HMCN1: variants seen among roughly 807,000 people sequenced by gnomAD.
HMCN1 encodes hemicentin 1, also known as hemicentin-1.
Under a neutral mutation model 625.9 loss-of-function variants are expected in HMCN1, and 321 were observed. The ratio of observed to expected loss-of-function variants is 0.51; its 90% confidence interval spans 0.47 to 0.56. The LOEUF (loss-of-function observed/expected upper bound fraction) is 0.56. Among genes scored for constraint, HMCN1 ranks in the 20% least tolerant of loss-of-function variants. The pLI is 0.00. For synonymous variants in HMCN1, 2,425 were observed against 2,417.6 expected (o/e 1.00, Z -0.09); for missense variants, 6,588 against 6,887.3 (o/e 0.96, Z 1.54).
At chr1:186,132,503 T>TAGTGGTTAGCAAGTTCATA in intron 86 of HMCN1, 94 bp downstream of exon 86, 1 of 973,570 alleles carries the variant, frequency 1.0e-6, no homozygotes, top group Non-Finnish European at 1.6e-6. Context: ...GCAAGTTCAT[T>TAGTGGTTAGCAAGTTCATA]AGTGGTAGCT....
At chr1:185,862,154 C>A (rs1662912318) in intron 2 of HMCN1, among the ~76,000 whole-genome samples, 1 of 151,856 alleles carries the variant, frequency 6.6e-6, no homozygotes, top group African/African-American at 2.4e-5. Context: ...TTAAAGGGAG[C>A]AATTTGTGGA....
chr1:185,896,309 C>G (rs1204222056), intron 4 of HMCN1, among the ~76,000 whole-genome samples: 1 of 151,834 alleles, frequency 6.6e-6, no homozygotes, highest in East Asian at 1.9e-4. Context: ...TCCCAAATGT[C>G]TACTAGATGG....
intron 52 of HMCN1, among the ~76,000 whole-genome samples, chr1:186,072,684 A>G (rs1658547591): frequency 6.6e-6 from 1 of 152,222 alleles, no homozygotes; most frequent in Non-Finnish European, 1.5e-5. Context: ...AAGGAAGCAG[A>G]CATAAAATAA....
intron 1 of HMCN1, among the ~76,000 whole-genome samples, chr1:185,792,929 T>G (rs184023049): frequency 6.6e-6 from 1 of 152,370 alleles, no homozygotes; most frequent in African/African-American, 2.4e-5. Flanking sequence ...TGATTAATAA[T>G]GCAGTTTTAT....
intron 55 of HMCN1, among the ~76,000 whole-genome samples, chr1:186,080,768 C>T (rs765712657): frequency 1.8e-4 from 28 of 152,130 alleles, no homozygotes; most frequent in Admixed American, 1.4e-3. Context: ...CCAAATAAGG[C>T]CAAATCTGAA....
At chr1:186,130,185 A>G in intron 84 of HMCN1, 85 bp downstream of exon 84, 13 of 1,563,348 alleles carry the variant, frequency 8.3e-6, no homozygotes, top group Non-Finnish European at 1.1e-5. Context: ...TGGTAATAAA[A>G]TATAACTTCA....
intron 1 of HMCN1, among the ~76,000 whole-genome samples, chr1:185,774,316 C>T (rs1656452950): frequency 6.6e-6 from 1 of 151,982 alleles, no homozygotes; most frequent in Non-Finnish European, 1.5e-5. Flanking sequence ...TTTAAATTTA[C>T]TTAAGAAGGG....
At chr1:186,021,819 A>G (rs1350680154) in intron 35 of HMCN1, among the ~76,000 whole-genome samples, 1 of 152,082 alleles carries the variant, frequency 6.6e-6, no homozygotes, top group Non-Finnish European at 1.5e-5. Context: ...ATTTTAAACA[A>G]ATTATTCTGG....
intron 1 of HMCN1, among the ~76,000 whole-genome samples, chr1:185,786,887 G>A (rs1415716759): frequency 6.6e-6 from 1 of 152,098 alleles, no homozygotes; most frequent in Admixed American, 6.5e-5. Context: ...ACATTTCATA[G>A]GGAGACTTTT....
rs1011233544 is a variant in HMCN1 at position 186,061,054 on chromosome 1, C to T, written c.7313-797C>T. Among the ~76,000 whole-genome samples, 9 of 152,102 alleles carry T rather than the reference C, an allele frequency of 5.9e-5. No homozygotes were observed. In the South Asian group the frequency reaches 1.0e-3, roughly 17 times the overall value. On this transcript the variant is annotated intron_variant, in intron 46 of 106. Coordinates refer to ENST00000271588, the MANE Select transcript of HMCN1 (RefSeq NM_031935.3). ...CTAGCCTCATCTCTTACCATTTTCT[C>T]CACCTGCTCTGCTTTTGATACCACT...
At chr1:185,816,288 T>C (rs2102257791) in intron 1 of HMCN1, among the ~76,000 whole-genome samples, 1 of 152,292 alleles carries the variant, frequency 6.6e-6, no homozygotes, top group Non-Finnish European at 1.5e-5. Flanking sequence ...TTTACCACAC[T>C]ATTGTTTGAA....
chr1:186,107,981 G>A (rs1473895570), intron 70 of HMCN1, among the ~76,000 whole-genome samples: 2 of 148,214 alleles, frequency 1.3e-5, no homozygotes, highest in African/African-American at 5.0e-5. Flanking sequence ...AAACTGTCTG[G>A]GATTTAAGTG....
chr1:185,861,237 G>T (rs1040812558), intron 2 of HMCN1, among the ~76,000 whole-genome samples: 1 of 152,106 alleles, frequency 6.6e-6, no homozygotes, highest in Admixed American at 6.6e-5. Flanking sequence ...ACTGGACAAG[G>T]TTTATCATTC....
At chr1:185,972,897 C>T (rs1345721790) in intron 15 of HMCN1, among the ~76,000 whole-genome samples, 1 of 152,084 alleles carries the variant, frequency 6.6e-6, no homozygotes, top group Non-Finnish European at 1.5e-5. Context: ...TGTCTGTTCA[C>T]ATCACACTAT....
intron 66 of HMCN1, 72 bp downstream of exon 66, chr1:186,093,741 A>G: frequency 6.3e-7 from 1 of 1,592,232 alleles, no homozygotes; most frequent in Non-Finnish European, 8.6e-7. Flanking sequence ...CTTCATTTAA[A>G]CAGTGTTGAA....
At chr1:186,077,301 G>A (rs998845830) in intron 54 of HMCN1, among the ~76,000 whole-genome samples, 2 of 152,064 alleles carry the variant, frequency 1.3e-5, no homozygotes, top group East Asian at 3.9e-4. Flanking sequence ...ATTAGATCTG[G>A]GTTTGGGGAA....
chr1:185,855,758 T>A (rs1377588363), intron 2 of HMCN1, among the ~76,000 whole-genome samples: 1 of 152,190 alleles, frequency 6.6e-6, no homozygotes, highest in East Asian at 1.9e-4. Flanking sequence ...CAGGTGATAA[T>A]CTGAAAGCAT....
chr1:186,064,634 C>T (rs1320552119), intron 48 of HMCN1, among the ~76,000 whole-genome samples: 3 of 151,446 alleles, frequency 2.0e-5, no homozygotes, highest in East Asian at 3.9e-4. Context: ...ACGGTGAAAC[C>T]CCGTCTCTAC....
At chr1:185,973,994 G>A (rs2101979671) in intron 15 of HMCN1, among the ~76,000 whole-genome samples, 1 of 152,256 alleles carries the variant, frequency 6.6e-6, no homozygotes, top group East Asian at 1.9e-4. Flanking sequence ...TTTTCCCTAA[G>A]GGAACTAGAA....
Sources: allele counts gnomAD v4.1 joint callset (sites outside exome capture counted in the v4.1 genomes callset), GRCh38; gene constraint gnomAD v4.1.1; transcripts MANE v1.5; gene names NCBI Gene and HGNC (gene_info 2026-07-23, HGNC 2026-07-21).